The following TRIM49 variants were observed in gnomAD, a reference collection of about 807,000 sequenced individuals.
TRIM49 encodes tripartite motif containing 49.
Under a neutral mutation model 27.4 loss-of-function variants are expected in TRIM49, and 5 were observed. The observed-to-expected ratio is 0.18, with a 90% CI of 0.10 to 0.38. The LOEUF (loss-of-function observed/expected upper bound fraction) is 0.38. Ranked by LOEUF, TRIM49 falls within the 10% of genes least tolerant of loss-of-function variation. TRIM49 has a pLI of 1.00. For missense variants in TRIM49, 188 were observed against 487.5 expected (o/e 0.39, Z 5.79); for synonymous variants, 69 against 166.0 (o/e 0.42, Z 4.49).
At position 89,802,417 on chromosome 11, in the gene TRIM49, G is replaced by C. The variant is rs1357979722; in HGVS notation, c.508-485C>G. On this transcript the variant is annotated intron_variant, in intron 4 of 7. Transcript: ENST00000329758. Reference sequence around the variant, plus strand: ...CTGCATTTATGATTTGGCCATCTTTGTCTCCCTGAATTCATTTCCTTCTAT... The same window carrying C: ...CTGCATTTATGATTTGGCCATCTTTCTCTCCCTGAATTCATTTCCTTCTAT... Among the ~76,000 whole-genome samples the C allele has an allele frequency of 2.0e-5, 3 of 150,384 alleles. No homozygotes were observed. The East Asian group carries it at 5.8e-4, about 29-fold the overall frequency.
the TRIM49 span, among the ~76,000 whole-genome samples, chr11:89,791,813 T>G: frequency 2.6e-5 from 4 of 152,012 alleles, no homozygotes; most frequent in African/African-American, 4.8e-5. Context: ...AGACCATCGA[T>G]GCTAGGAAGA....
At chr11:89,787,738 C>G in the TRIM49 span, 2 of 940,466 alleles carry the variant, frequency 2.1e-6, no homozygotes, top group Non-Finnish European at 3.2e-6. Flanking sequence ...AGTGGCATAA[C>G]AAGGTGGCCA....
intron 4 of TRIM49, among the ~76,000 whole-genome samples, chr11:89,802,580 C>CACATACATACATACATACAT (rs199832331): frequency 6.8e-6 from 1 of 147,156 alleles, no homozygotes; most frequent in African/African-American, 2.6e-5. Flanking sequence ...CAAACACACA[C>CACATACATACATACATACAT]ACATACATAC....
chr11:89,803,917 G>A, intron 3 of TRIM49, 124 bp from the exon 4 acceptor site: 4 of 1,100,698 alleles, frequency 3.6e-6, no homozygotes, highest in Non-Finnish European at 5.2e-6. Flanking sequence ...GTTTGTCAAA[G>A]CCCAGAGGTT....
chr11:89,802,294 A>T lies in TRIM49; in HGVS notation c.508-362T>A, dbSNP rs527787310. ...GGAAACAATTCTTTCTATTTCTGAG[A>T]TATGCACCAAGTTGCTTAAACTCAT... On this transcript the variant is annotated intron_variant, in intron 4 of 7. Coordinates refer to ENST00000329758, the MANE Select transcript of TRIM49 (RefSeq NM_020358.2). 1.5e-3 allele frequency among the ~76,000 whole-genome samples: 230 copies of T among 150,828 alleles called. 13 individuals are homozygous for T. Among genetic ancestry groups the T allele is most frequent in the African/African-American group, 5.5e-3 (222 of 40,514 alleles).
chr11:89,786,951 C>T, the TRIM49 span: 2 of 121,364 alleles, frequency 1.6e-5, no homozygotes, highest in Non-Finnish European at 3.2e-5. Context: ...CATGCAGGGT[C>T]GAACCGATCA....
downstream of TRIM49, among the ~76,000 whole-genome samples, chr11:89,797,295 G>A (rs948860261): frequency 4.6e-5 from 7 of 151,592 alleles, no homozygotes; most frequent in African/African-American, 1.7e-4. Context: ...TGTATGTTGG[G>A]GTGAATATCT....
the TRIM49 span, among the ~76,000 whole-genome samples, chr11:89,769,126 G>T: frequency 7.6e-6 from 1 of 131,964 alleles, no homozygotes; most frequent in Admixed American, 7.0e-5. Flanking sequence ...AAGTTGCAGT[G>T]AGCTGAGATT....
chr11:89,805,697 G>A (rs1436332923), intron 2 of TRIM49, among the ~76,000 whole-genome samples: 8 of 147,348 alleles, frequency 5.4e-5, no homozygotes, highest in African/African-American at 1.3e-4. Flanking sequence ...TCTGAGAAAT[G>A]TGTCAGGTGT....
chr11:89,800,814 G>A (rs1332906528), intron 6 of TRIM49, 152 bp downstream of exon 6: 5 of 564,314 alleles, frequency 8.9e-6, no homozygotes, highest in Middle Eastern at 3.1e-4. Flanking sequence ...TATTTACTTC[G>A]TGGCCTTGTC....
the TRIM49 span, among the ~76,000 whole-genome samples, chr11:89,773,691 C>T: frequency 1.5e-5 from 2 of 135,856 alleles, no homozygotes; most frequent in Non-Finnish European, 3.0e-5. Flanking sequence ...GTAATCCCAG[C>T]ACTTTGGGAG....
chr11:89,793,590 A>G (rs1949669783), downstream of TRIM49, among the ~76,000 whole-genome samples: 1 of 151,318 alleles, frequency 6.6e-6, no homozygotes, highest in Non-Finnish European at 1.5e-5. Flanking sequence ...TACGCAAATC[A>G]ATAAATGTAA....
chr11:89,794,320 A>G (rs1949674528), downstream of TRIM49, among the ~76,000 whole-genome samples: 6 of 122,338 alleles, frequency 4.9e-5, no homozygotes, highest in South Asian at 1.5e-3. Context: ...GCCCAAGGTA[A>G]TTTATAGATT....
At chr11:89,773,932 G>A in the TRIM49 span, among the ~76,000 whole-genome samples, 60 of 135,168 alleles carry the variant, frequency 4.4e-4, 9 homozygotes, top group South Asian at 8.5e-3. Context: ...GCAAGATACC[G>A]TCTCAAAAGA....
At chr11:89,805,041 C>G (rs1239241910) in intron 2 of TRIM49, among the ~76,000 whole-genome samples, 3 of 151,530 alleles carry the variant, frequency 2.0e-5, no homozygotes, top group Non-Finnish European at 4.4e-5. Flanking sequence ...AAATTAAAAA[C>G]AAAGACCCAA....
chr11:89,768,342 G>C, the TRIM49 span: 3 of 1,266,242 alleles, frequency 2.4e-6, 1 homozygote, highest in African/African-American at 4.2e-5. Context: ...TTAAGAAATA[G>C]ATTCCAACAG....
the TRIM49 span, chr11:89,766,762 T>C: frequency 1.6e-4 from 228 of 1,399,930 alleles, 30 homozygotes; most frequent in Middle Eastern, 3.4e-3. Context: ...TGAGGAAACA[T>C]TGGGGAGGTG....
intron 5 of TRIM49, among the ~76,000 whole-genome samples, chr11:89,801,231 C>T (rs1949734666): frequency 6.8e-6 from 1 of 147,606 alleles, no homozygotes; most frequent in Non-Finnish European, 1.5e-5. Context: ...AGAAGAGGCC[C>T]AGAAGGTCTA....
At chr11:89,805,066 T>TA (rs1304127903) in intron 2 of TRIM49, among the ~76,000 whole-genome samples, 10 of 148,990 alleles carry the variant, frequency 6.7e-5, no homozygotes, top group African/African-American at 2.3e-4. Context: ...AAACAAAATT[T>TA]AAAAAAAAGC....
Sources: gnomAD v4.1 joint callset for allele counts (sites outside exome capture counted in the v4.1 genomes callset) on GRCh38, gnomAD v4.1.1 for gene constraint, MANE v1.5 for transcripts, NCBI Gene and HGNC (gene_info 2026-07-23, HGNC 2026-07-21) for gene names.